Variants in ENTREP1 observed in about 807,000 individuals in gnomAD.
The protein encoded by ENTREP1 is Friedreich ataxia region gene X123.
the ENTREP1 span, chr9:69,386,117 T>C: frequency 6.1e-6 from 3 of 492,802 alleles, no homozygotes; most frequent in African/African-American, 4.0e-5. Context: ...GTTAGGAATA[T>C]ATATCTACCA....
chr9:69,371,384 CT>C, the ENTREP1 span: 2 of 859,514 alleles, frequency 2.3e-6, no homozygotes, highest in Admixed American at 1.7e-5. Context: ...CGGTTCTGAT[CT>C]TTTTTTAAAA....
the ENTREP1 span, among the ~76,000 whole-genome samples, chr9:69,341,399 GT>G: frequency 6.6e-6 from 1 of 152,046 alleles, no homozygotes; most frequent in African/African-American, 2.4e-5. Flanking sequence ...TGGTCTTTCA[GT>G]TTATTTTCTA....
the ENTREP1 span, among the ~76,000 whole-genome samples, chr9:69,388,873 GTTCACATTC>G: frequency 0.013 from 1,987 of 152,266 alleles, 45 homozygotes; most frequent in African/African-American, 0.046. Flanking sequence ...CTAAGAGGCT[GTTCACATTC>G]CCATGAAATG....
At chr9:69,334,968 C>A in the ENTREP1 span, among the ~76,000 whole-genome samples, 1 of 152,058 alleles carries the variant, frequency 6.6e-6, no homozygotes, top group Admixed American at 6.6e-5. Flanking sequence ...CCATGTTGTC[C>A]AGGCTGGTCT....
At chr9:69,340,796 T>TGC in the ENTREP1 span, among the ~76,000 whole-genome samples, 2 of 74,676 alleles carry the variant, frequency 2.7e-5, no homozygotes, top group African/African-American at 1.3e-4. Context: ...TGCATGTGTG[T>TGC]GTGCATGTGT....
At chr9:69,328,659 T>A in the ENTREP1 span, among the ~76,000 whole-genome samples, 1 of 94,352 alleles carries the variant, frequency 1.1e-5, no homozygotes, top group Non-Finnish European at 2.6e-5. Context: ...CTAAGGTTTC[T>A]ATAAAAAAAA....
the ENTREP1 span, chr9:69,380,028 T>C: frequency 6.6e-6 from 1 of 152,246 alleles, no homozygotes; most frequent in Non-Finnish European, 1.5e-5. Context: ...ACAGACAAGC[T>C]TCTCATCAAG....
chr9:69,372,685 C>A, the ENTREP1 span, among the ~76,000 whole-genome samples: 2 of 152,082 alleles, frequency 1.3e-5, no homozygotes, highest in African/African-American at 4.8e-5. Context: ...GGTTTTAATT[C>A]TTTTGGATAT....
chr9:69,384,044 C>G, the ENTREP1 span: 1 of 1,552,120 alleles, frequency 6.4e-7, no homozygotes. Flanking sequence ...TACATTGTGA[C>G]ATGATTCAGT....
chr9:69,367,672 C>T, the ENTREP1 span, among the ~76,000 whole-genome samples: 361 of 113,562 alleles, frequency 3.2e-3, 10 homozygotes, highest in East Asian at 8.6e-3. Flanking sequence ...TATATACACA[C>T]ATATATAAAT....
the ENTREP1 span, among the ~76,000 whole-genome samples, chr9:69,374,584 T>G: frequency 1.3e-5 from 2 of 151,934 alleles, no homozygotes; most frequent in African/African-American, 4.8e-5. Context: ...GAAGCCAGAG[T>G]GAGAGCTTGC....
the ENTREP1 span, among the ~76,000 whole-genome samples, chr9:69,375,326 C>T: frequency 6.6e-6 from 1 of 151,948 alleles, no homozygotes; most frequent in Admixed American, 6.6e-5. Flanking sequence ...GCACCAAGTG[C>T]AAAAAATGAA....
At chr9:69,324,615 C>T in the ENTREP1 span, 2 of 985,290 alleles carry the variant, frequency 2.0e-6, no homozygotes, top group Non-Finnish European at 1.2e-6. Flanking sequence ...GGAAAGCACT[C>T]CCGCGCCGAT....
At chr9:69,334,865 C>T in the ENTREP1 span, among the ~76,000 whole-genome samples, 1 of 151,094 alleles carries the variant, frequency 6.6e-6, no homozygotes, top group Non-Finnish European at 1.5e-5. Context: ...CAACCTCTGC[C>T]TCCTGGGTTC....
the ENTREP1 span, among the ~76,000 whole-genome samples, chr9:69,334,769 C>T: frequency 1.4e-5 from 2 of 147,708 alleles, no homozygotes; most frequent in South Asian, 2.1e-4. Context: ...CCTTTCCTTT[C>T]CTTTTCTTTT....
the ENTREP1 span, among the ~76,000 whole-genome samples, chr9:69,338,565 G>T: frequency 2.6e-5 from 4 of 152,148 alleles, no homozygotes; most frequent in Non-Finnish European, 4.4e-5. Flanking sequence ...GTAAGCTTGA[G>T]CAGCCTTAAA....
chr9:69,333,929 G>A, the ENTREP1 span, among the ~76,000 whole-genome samples: 7 of 152,286 alleles, frequency 4.6e-5, no homozygotes, highest in Admixed American at 6.5e-5. Context: ...ACAAGCATAC[G>A]TGCCTACACC....
chr9:69,355,159 C>A, the ENTREP1 span, among the ~76,000 whole-genome samples: 1 of 152,126 alleles, frequency 6.6e-6, no homozygotes, highest in African/African-American at 2.4e-5. Context: ...CTTTGTTTAA[C>A]TTAAAGTTTC....
At chr9:69,391,109 A>G in the ENTREP1 span, among the ~76,000 whole-genome samples, 1 of 152,256 alleles carries the variant, frequency 6.6e-6, no homozygotes, top group Non-Finnish European at 1.5e-5. Flanking sequence ...TAAACCCATC[A>G]CCTGGTCCCA....
Sources: gnomAD v4.1 joint callset for allele counts (sites outside exome capture counted in the v4.1 genomes callset) on GRCh38, gnomAD v4.1.1 for gene constraint, MANE v1.5 for transcripts, NCBI Gene and HGNC (gene_info 2026-07-23, HGNC 2026-07-21) for gene names.